The following SDHAF3 variants were observed in gnomAD, a reference collection of about 807,000 sequenced individuals.
SDHAF3 encodes succinate dehydrogenase assembly factor 3, mitochondrial.
A neutral mutation model predicts 11.5 loss-of-function variants in SDHAF3; 18 were observed. The ratio of observed to expected loss-of-function variants is 1.56; its 90% CI spans 1.08 to 2.32. The LOEUF is 2.32. Among genes scored for constraint, SDHAF3 ranks in the 30% most tolerant of loss-of-function variants. The pLI, the probability that SDHAF3 is intolerant of heterozygous loss-of-function variation, is 0.00. For synonymous variants in SDHAF3, 72 were observed against 59.3 expected, an observed-to-expected ratio of 1.21 and a Z score of -0.99; for missense variants, 200 against 154.4, an observed-to-expected ratio of 1.30 and a Z score of -1.57.
At chr7:97,142,551 G>T (rs1286117451) in intron 1 of SDHAF3, 3 of 151,902 alleles carry the variant, frequency 2.0e-5, no homozygotes, top group Non-Finnish European at 1.5e-5. Context: ...TTGTTTTTTT[G>T]CTATTTGGCT....
chr7:97,147,664 A>G (rs1335970189), intron 1 of SDHAF3, among the ~76,000 whole-genome samples: 1 of 152,012 alleles, frequency 6.6e-6, no homozygotes, highest in Non-Finnish European at 1.5e-5. Flanking sequence ...TTTATATATT[A>G]CTCTTACTGT....
At chr7:97,165,357 C>CTTTTTTTTTTTTTTTT (rs10653828) in intron 1 of SDHAF3, among the ~76,000 whole-genome samples, 7 of 77,026 alleles carry the variant, frequency 9.1e-5, no homozygotes, top group Admixed American at 1.7e-4. Context: ...ATTTTCCTAC[C>CTTTTTTTTTTTTTTTT]TTTTTTTTTT....
chr7:97,178,772 A>C (rs1293493471), intron 1 of SDHAF3, among the ~76,000 whole-genome samples: 2 of 151,984 alleles, frequency 1.3e-5, no homozygotes, highest in African/African-American at 4.8e-5. Flanking sequence ...ACGATTTGCA[A>C]ATTTTTTCTC....
intron 1 of SDHAF3, among the ~76,000 whole-genome samples, chr7:97,143,116 G>T (rs536574023): frequency 6.6e-6 from 1 of 151,598 alleles, no homozygotes; most frequent in African/African-American, 2.4e-5. Context: ...GGCTGGTCTC[G>T]AACTCCTGGC....
At chr7:97,126,547 C>T (rs1791579834) in intron 1 of SDHAF3, among the ~76,000 whole-genome samples, 1 of 152,124 alleles carries the variant, frequency 6.6e-6, no homozygotes. Flanking sequence ...GCAGTCTGGC[C>T]ACAGCTGCTT....
In SDHAF3 at chr7:97,127,897, GTTT is replaced by G. The variant is rs920829054; in HGVS notation, c.174+10021_174+10023del. ...CACACATATATGTTTTCTACATCAAGTTTTTTTTTTTTTTTTTTTTTTTGACTG... is the reference window on the plus strand; with the variant it reads ...CACACATATATGTTTTCTACATCAAGTTTTTTTTTTTTTTTTTTTTGACTG... On this transcript the variant is annotated intron_variant, in intron 1 of 1. Transcript: ENST00000432641. Among the ~76,000 whole-genome samples the G allele has an allele frequency of 5.0e-3, 527 of 106,250 alleles. 3 individuals carry two copies. Among genetic ancestry groups the G allele is most frequent in the African/African-American group, 0.019 (468 of 25,224 alleles). The allele number at this position is 106,250 out of a possible 152,430, so 69.7% of individuals were successfully genotyped here. A position where few individuals can be genotyped will look rare whatever the true frequency, so the allele number is the denominator to read the frequency against.
Position 97,152,706 on chromosome 7 carries a change from A to G in SDHAF3, c.175-28306A>G, listed in dbSNP as rs866702328. ...GCTCTTTCGCCCAGGCTGGATTGCA[A>G]TGGCGCAATCTCAGGTCACTGCAAC... On this transcript the variant is annotated intron_variant, in intron 1 of 1. Coordinates refer to ENST00000432641, the MANE Select transcript of SDHAF3 (RefSeq NM_020186.3). Among the ~76,000 whole-genome samples, 8 of 152,208 alleles carry G rather than the reference A, an allele frequency of 5.3e-5. No individual in the cohort carries two copies. In the Middle Eastern group the frequency reaches 0.01, roughly 194 times the overall value.
intron 1 of SDHAF3, among the ~76,000 whole-genome samples, chr7:97,175,318 G>A (rs1027327104): frequency 5.9e-5 from 9 of 152,082 alleles, no homozygotes; most frequent in African/African-American, 1.7e-4. Context: ...AAGGTTTGTT[G>A]CATAGGTAAA....
intron 1 of SDHAF3, among the ~76,000 whole-genome samples, chr7:97,146,932 G>A (rs933780451): frequency 1.3e-5 from 2 of 151,796 alleles, no homozygotes; most frequent in African/African-American, 2.4e-5. Flanking sequence ...TAGTAGAGAC[G>A]GGGTTTCACC....
chr7:97,180,457 G>T (rs962025691), intron 1 of SDHAF3, among the ~76,000 whole-genome samples: 8 of 152,128 alleles, frequency 5.3e-5, no homozygotes, highest in Non-Finnish European at 1.2e-4. Flanking sequence ...ACTACTGGAG[G>T]GTGGTATGGG....
chr7:97,146,562 T>G (rs1426724895), intron 1 of SDHAF3, among the ~76,000 whole-genome samples: 1 of 152,194 alleles, frequency 6.6e-6, no homozygotes, highest in East Asian at 1.9e-4. Flanking sequence ...CAGTGTCACT[T>G]TTTTTCTCTG....
In SDHAF3 at chr7:97,164,222, G is replaced by A. The variant is rs545045410; in HGVS notation, c.175-16790G>A. ...GCTGGGATCACAGGCACAAGCCACC[G>A]CGCCTGGCCTCTTTTTTTTTTTGGA... On this transcript the variant is annotated intron_variant, in intron 1 of 1. Coordinates refer to ENST00000432641, the MANE Select transcript of SDHAF3 (RefSeq NM_020186.3). Among the ~76,000 whole-genome samples the A allele has an allele frequency of 2.5e-3, 381 of 151,220 alleles. 1 individual carries two copies. The highest frequency in any genetic ancestry group is 9.1e-3 in the African/African-American group (373 of 41,130).
intron 1 of SDHAF3, among the ~76,000 whole-genome samples, chr7:97,154,271 C>T (rs1171616950): frequency 6.6e-6 from 1 of 152,152 alleles, no homozygotes; most frequent in African/African-American, 2.4e-5. Context: ...GGTGGAATGT[C>T]ATCAGTTAAG....
chr7:97,178,558 A>C (rs1283732444), intron 1 of SDHAF3, among the ~76,000 whole-genome samples: 3 of 152,128 alleles, frequency 2.0e-5, no homozygotes, highest in Non-Finnish European at 4.4e-5. Flanking sequence ...TATAGTAGAC[A>C]TCTTAGGGTG....
At chr7:97,131,866 T>G (rs1222995476) in intron 1 of SDHAF3, among the ~76,000 whole-genome samples, 3 of 152,178 alleles carry the variant, frequency 2.0e-5, no homozygotes, top group African/African-American at 7.2e-5. Flanking sequence ...GAATTTTAAA[T>G]TACTGTAGAT....
intron 1 of SDHAF3, among the ~76,000 whole-genome samples, chr7:97,163,003 C>T (rs1196515981): frequency 1.3e-5 from 2 of 151,916 alleles, no homozygotes; most frequent in Non-Finnish European, 2.9e-5. Flanking sequence ...TAAAGTCTCC[C>T]ACTATCATTG....
chr7:97,136,910 A>G (rs1389516418), intron 1 of SDHAF3, among the ~76,000 whole-genome samples: 1 of 152,206 alleles, frequency 6.6e-6, no homozygotes, highest in Non-Finnish European at 1.5e-5. Flanking sequence ...AGTCCTTAAT[A>G]TAATATAAAA....
intron 1 of SDHAF3, among the ~76,000 whole-genome samples, chr7:97,168,778 T>C (rs910290651): frequency 6.6e-6 from 1 of 152,236 alleles, no homozygotes; most frequent in African/African-American, 2.4e-5. Flanking sequence ...ATTATGTTAC[T>C]TAACTAATTT....
At position 97,146,863 on chromosome 7, in the gene SDHAF3, T is replaced by C. The variant is rs533067970; in HGVS notation, c.174+28966T>C. 1.2e-4 allele frequency among the ~76,000 whole-genome samples: 18 copies of C among 151,322 alleles called. No homozygotes were observed. In the East Asian group the frequency reaches 3.3e-3, roughly 28 times the overall value. On this transcript the variant is annotated intron_variant, in intron 1 of 1. Coordinates refer to ENST00000432641, the MANE Select transcript of SDHAF3 (RefSeq NM_020186.3). ...GTGCAGTGGCGCAATCTGGGCTCAC[T>C]GCAAACTCCACCTCCCGGGTTGATG... is the stretch of plus-strand genomic sequence containing the variant.
Sources: allele counts gnomAD v4.1 joint callset (sites outside exome capture counted in the v4.1 genomes callset), GRCh38; gene constraint gnomAD v4.1.1; transcripts MANE v1.5; gene names NCBI Gene and HGNC (gene_info 2026-07-23, HGNC 2026-07-21).